Variants in GAK observed in about 807,000 individuals in gnomAD.
GAK encodes cyclin-G-associated kinase.
GAK carries 79 observed loss-of-function variants against 143.9 expected under a neutral mutation model. The observed-to-expected ratio is 0.55, with a 90% CI of 0.46 to 0.66. The LOEUF (loss-of-function observed/expected upper bound fraction) is 0.66. GAK is among the 30% of genes least tolerant of loss of function. The probability of loss-of-function intolerance (pLI) is 0.00; values close to 1 mark genes in which losing one functional copy is unlikely to be tolerated. For missense variants in GAK, 1,693 were observed against 1,779.7 expected (o/e 0.95, Z 0.88); for synonymous variants, 881 against 765.5 (o/e 1.15, Z -2.49).
chr4:888,984 C>T lies in GAK; in HGVS notation c.1082-14G>A, dbSNP rs1717109277. ...CCAGCGCCAGGCCTGCAGGGAGACA[C>T]AGTCTCAGCAGGCCCCAGGTGCTCG... On this transcript the variant is annotated splice_polypyrimidine_tract_variant and intron_variant, in intron 10 of 27. Coordinates refer to ENST00000314167, the MANE Select transcript of GAK (RefSeq NM_005255.4). 2 of 1,606,716 alleles carry T rather than the reference C, an allele frequency of 1.2e-6. No homozygotes were observed. Among genetic ancestry groups the T allele is most frequent in the Admixed American group, 3.4e-5 (2 of 59,588 alleles).
Position 890,526 on chromosome 4 carries a change from A to C in GAK, c.1081+6T>G. The stretch of plus-strand genomic sequence containing the variant: ...ACAGGTGGCGGGCACAGGACAGGGC[A>C]CTCACCTCCACTGTAGCCACTGCCA... On this transcript the variant is annotated splice_donor_region_variant and intron_variant, in intron 10 of 27. Coordinates refer to ENST00000314167, the MANE Select transcript of GAK (RefSeq NM_005255.4). The C allele has an allele frequency of 6.2e-7, 1 of 1,601,240 alleles. No homozygotes were observed. The highest frequency in any genetic ancestry group is 8.5e-7 in the Non-Finnish European group (1 of 1,173,574).
At chr4:858,500 G>A (rs1749684057) in intron 24 of GAK, among the ~76,000 whole-genome samples, 1 of 152,278 alleles carries the variant, frequency 6.6e-6, no homozygotes, top group African/African-American at 2.4e-5. Flanking sequence ...CACGGCCCTC[G>A]CAACCCCACC....
rs377279183 is a variant in GAK, at chr4:876,526, G to T, written c.2054+4C>A. On this transcript the variant is annotated splice_donor_region_variant and intron_variant, in intron 18 of 27. Transcript: ENST00000314167. Reference sequence around the variant, plus strand: ...CCCACCGAGCACAAGCGGTACCAACGTACTTGGCAAATTTCACAGTGGTGG... The same window carrying T: ...CCCACCGAGCACAAGCGGTACCAACTTACTTGGCAAATTTCACAGTGGTGG... The T allele has an allele frequency of 1.2e-6, 2 of 1,613,464 alleles. No individual in the cohort carries two copies. The highest frequency in any genetic ancestry group is 3.3e-5 in the Admixed American group (2 of 60,022).
In GAK at chr4:882,727, G is replaced by A; in HGVS notation, c.1497C>T (p.Asp499=). The part of the protein sequence containing the change: ...CRNMHAWLRQ[D]HKNVCVVHCM... ...AGTGCACGACGCAGACGTTCTTGTG[G>A]TCCTGCCGCAGCCAGGCGTGCATGT... is the stretch of plus-strand genomic sequence containing the variant. Residue 499 remains aspartate, a synonymous_variant, in exon 14 of 28, where the codon GAC becomes GAT. Coordinates refer to ENST00000314167, the MANE Select transcript of GAK (RefSeq NM_005255.4). 1.2e-6 allele frequency: 2 copies of A among 1,612,692 alleles called. 1 individual carries two copies. Among genetic ancestry groups the A allele is most frequent in the South Asian group, 2.2e-5 (2 of 91,066 alleles).
At chr4:928,966 T>C in intron 1 of GAK, among the ~76,000 whole-genome samples, 1 of 152,012 alleles carries the variant, frequency 6.6e-6, no homozygotes. Context: ...TTCCCCGTGT[T>C]GCCCAGGCTG....
At chr4:906,000 C>T (rs949066535) in intron 4 of GAK, among the ~76,000 whole-genome samples, 10 of 152,258 alleles carry the variant, frequency 6.6e-5, no homozygotes, top group African/African-American at 2.4e-4. Flanking sequence ...CCAAGCGTCA[C>T]CGAAGCAACA....
intron 11 of GAK, chr4:887,556 GCA>G (rs1233181112): frequency 6.9e-6 from 1 of 145,904 alleles, no homozygotes. Flanking sequence ...CGCAGCTCAC[GCA>G]CACTCACAGG....
At chr4:924,485 CAA>C (rs1724371849) in intron 1 of GAK, among the ~76,000 whole-genome samples, 2 of 152,130 alleles carry the variant, frequency 1.3e-5, no homozygotes, top group East Asian at 3.9e-4. Flanking sequence ...CACACGTCCA[CAA>C]AAAGACTTGA....
chr4:849,926 T>C lies in GAK; in HGVS notation c.3800A>G (p.Tyr1267Cys), dbSNP rs754089200. 1.1e-5 allele frequency: 18 copies of C among 1,594,584 alleles called. No homozygotes were observed. The highest frequency in any genetic ancestry group is 1.3e-5 in the Non-Finnish European group (15 of 1,169,514). ...GTGCACAGCCAGCACCGCGCGGCGA[T>C]AGTGCTTCTTCACTTGCTCCGGAGC... ...LVAPEQVKKH[Y>C]RRAVLAVHPD... The change falls in exon 27 of 28, where the codon TAT becomes TGT. Residue 1267 changes from tyrosine (Y) to cysteine (C), a missense_variant. Physicochemically the swap from Tyr to Cys is radical, Grantham distance 194 (BLOSUM62 -2). This residue lies in a region of GAK where 822 missense variants were observed against 788.7 expected (regional missense o/e 1.04). Transcript: ENST00000314167.
intron 24 of GAK, among the ~76,000 whole-genome samples, chr4:857,608 G>A (rs1029210528): frequency 2.0e-5 from 3 of 152,148 alleles, no homozygotes; most frequent in Non-Finnish European, 4.4e-5. Flanking sequence ...GCCTGCACCC[G>A]TGACCCTCGT....
intron 1 of GAK, among the ~76,000 whole-genome samples, chr4:930,226 T>C (rs573391162): frequency 6.6e-6 from 1 of 152,352 alleles, no homozygotes; most frequent in South Asian, 2.1e-4. Flanking sequence ...CTGTTTCAGT[T>C]CAAAGAGGCT....
chr4:863,832 G>A (rs527546939), intron 23 of GAK, among the ~76,000 whole-genome samples: 48 of 151,632 alleles, frequency 3.2e-4, no homozygotes, highest in African/African-American at 1.0e-3. Flanking sequence ...AGACCAGCCC[G>A]ACCAACATAG....
At position 868,542 on chromosome 4, in the gene GAK, G is replaced by C. The variant is rs951290800; in HGVS notation, c.2392C>G (p.Gln798Glu). 4 of 1,605,900 alleles carry C rather than the reference G, an allele frequency of 2.5e-6. No individual in the cohort carries two copies. Among genetic ancestry groups the C allele is most frequent in the Non-Finnish European group, 3.4e-6 (4 of 1,178,498 alleles). ...CAGGTCCAGGGACGCTGCCTACCCT[G>C]CCAGTCCAGCGTGTGCAGGAAGCGA... Reference protein sequence around the residue: ...ASRFLHTLDWQEEKEAETGAE... With the variant: ...ASRFLHTLDWEEEKEAETGAE... Residue 798 changes from glutamine (Q) to glutamate (E), a missense_variant, in exon 20 of 28, where the codon CAG (glutamine) becomes GAG (glutamate). Physicochemically the swap from Gln to Glu is conservative, Grantham distance 29 (BLOSUM62 2). Coordinates refer to ENST00000314167, the MANE Select transcript of GAK (RefSeq NM_005255.4).
rs1472651559 is a variant in GAK, at chr4:932,227, C to T, written c.-40G>A. On this transcript the variant is annotated 5_prime_UTR_variant, in exon 1 of 28. Transcript: ENST00000314167. The surrounding 1 kb of genome is among the most constrained non-coding windows in gnomAD (Gnocchi z 4.0). The stretch of plus-strand genomic sequence containing the variant: ...CGCACCCCGCGGCAGCCGGAGTGGT[C>T]GGGCTCGGGCTCCCGCTCCCTCGCC... 1 of 1,488,632 alleles carries T rather than the reference C, an allele frequency of 6.7e-7. No individual in the cohort carries two copies. The allele number at this position is 1,488,632 out of a possible 1,614,324, so 92.2% of individuals were successfully genotyped here.
At position 920,794 on chromosome 4, in the gene GAK, G is replaced by A. The variant is rs188927844; in HGVS notation, c.146-7126C>T. On this transcript the variant is annotated intron_variant, in intron 1 of 27. Transcript: ENST00000314167. Reference sequence around the variant, plus strand: ...CCTGACCTCATGATCCCCCTGCCTCGGCCTCCCAAAGTGCTGGGATTACAG... The same window carrying A: ...CCTGACCTCATGATCCCCCTGCCTCAGCCTCCCAAAGTGCTGGGATTACAG... Among the ~76,000 whole-genome samples, 111 of 151,996 alleles carry A rather than the reference G, an allele frequency of 7.3e-4. 1 individual carries two copies. The highest frequency in any genetic ancestry group is 1.3e-3 in the Non-Finnish European group (88 of 67,976).
Position 864,826 on chromosome 4 carries a change from C to T in GAK, c.3166+296G>A, listed in dbSNP as rs139819489. Among the ~76,000 whole-genome samples, 129 of 152,334 alleles carry T rather than the reference C, an allele frequency of 8.5e-4. No homozygotes were observed. In the Middle Eastern group the frequency reaches 0.01, roughly 12 times the overall value. On this transcript the variant is annotated intron_variant, in intron 23 of 27. Coordinates refer to ENST00000314167, the MANE Select transcript of GAK (RefSeq NM_005255.4). ...GTGGGGCATGAAATCGCATCACAGA[C>T]GCAGACGCCCTGCCGGGTGGGAGGA...
rs1208950576 is a variant in GAK at position 851,195 on chromosome 4, T to C, written c.3509-111A>G. The C allele has an allele frequency of 5.6e-6, 5 of 899,208 alleles. No homozygotes were observed. The African/African-American group carries it at 8.4e-5, about 15-fold the overall frequency. 55.7% of individuals were successfully genotyped at this position (899,208 alleles called of 1,614,324 possible). On this transcript the variant is annotated intron_variant, in intron 25 of 27. Coordinates refer to ENST00000314167, the MANE Select transcript of GAK (RefSeq NM_005255.4). ...TCTCTGCAGCCTTTGCCTCCCGGCCTCAAGCGATCCTCTTGCCTCAGCCTC... is the reference window on the plus strand; with the variant it reads ...TCTCTGCAGCCTTTGCCTCCCGGCCCCAAGCGATCCTCTTGCCTCAGCCTC...
At chr4:888,508 G>A (rs964006543) in intron 11 of GAK, 4 of 274,854 alleles carry the variant, frequency 1.5e-5, no homozygotes, top group African/African-American at 2.2e-5. Context: ...TCAGTGAGGC[G>A]CCACCACCGA....
At chr4:896,055 A>C (rs1718706910) in intron 7 of GAK, among the ~76,000 whole-genome samples, 1 of 152,176 alleles carries the variant, frequency 6.6e-6, no homozygotes, top group African/African-American at 2.4e-5. Context: ...TGAGCTCAGG[A>C]GTTCGAGACC....
Sources: allele counts gnomAD v4.1 joint callset (sites outside exome capture counted in the v4.1 genomes callset), GRCh38; gene constraint gnomAD v4.1.1; regional missense constraint gnomAD v4.1.1; non-coding constraint Gnocchi (gnomAD v3.1); transcripts MANE v1.5; gene names NCBI Gene and HGNC (gene_info 2026-07-23, HGNC 2026-07-21).